The following CDK17 variants were observed in gnomAD, a reference collection of about 807,000 sequenced individuals.
The protein encoded by CDK17 is cyclin dependent kinase 17, also known as cyclin-dependent kinase 17.
CDK17 carries 24 observed loss-of-function variants against 77.6 expected under a neutral mutation model. The ratio of observed to expected loss-of-function variants is 0.31; its 90% confidence interval spans 0.22 to 0.44. The LOEUF (loss-of-function observed/expected upper bound fraction) is 0.44, where lower values mean the gene tolerates loss of function less well. Among genes scored for constraint, CDK17 ranks in the 20% least tolerant of loss-of-function variants. The pLI is 1.00. For synonymous variants in CDK17, 203 were observed against 210.4 expected, an observed-to-expected ratio of 0.96 and a Z score of 0.30; for missense variants, 429 against 622.5, an observed-to-expected ratio of 0.69 and a Z score of 3.31.
chr12:96,302,754 G>A (rs985846289), intron 5 of CDK17, among the ~76,000 whole-genome samples: 1 of 152,074 alleles, frequency 6.6e-6, no homozygotes, highest in African/African-American at 2.4e-5. Context: ...TGGTTACTAT[G>A]ACAAAATGTC....
intron 1 of CDK17, among the ~76,000 whole-genome samples, chr12:96,362,010 C>T (rs1295796349): frequency 2.6e-5 from 4 of 152,120 alleles, no homozygotes; most frequent in Non-Finnish European, 5.9e-5. Context: ...CTTAGTCTTT[C>T]TCTGTAATAG....
At chr12:96,308,262 T>G (rs1191796200) in intron 5 of CDK17, among the ~76,000 whole-genome samples, 1 of 141,168 alleles carries the variant, frequency 7.1e-6, no homozygotes, top group Non-Finnish European at 1.6e-5. Context: ...AGTTTTTTAA[T>G]TAGCTGGGTG....
chr12:96,278,611 A>G lies in CDK17; in HGVS notation c.*1631T>C, dbSNP rs1015072703. 2.0e-5 allele frequency: 3 copies of G among 152,600 alleles called. No homozygotes were observed. Among genetic ancestry groups the G allele is most frequent in the Non-Finnish European group, 2.9e-5 (2 of 67,974 alleles). The allele number at this position is 152,600 out of a possible 1,614,324, so 9.5% of individuals were successfully genotyped here. On this transcript the variant is annotated 3_prime_UTR_variant, in exon 17 of 17. Coordinates refer to ENST00000261211, the MANE Select transcript of CDK17 (RefSeq NM_002595.5). ...TTCAAAACAAAATGAAGGAATTTCCACATATTTATAACCTTCAAAGTACAA... is the reference window on the plus strand; with the variant it reads ...TTCAAAACAAAATGAAGGAATTTCCGCATATTTATAACCTTCAAAGTACAA...
intron 1 of CDK17, among the ~76,000 whole-genome samples, chr12:96,390,878 G>A (rs947638753): frequency 7.2e-5 from 11 of 151,848 alleles, no homozygotes; most frequent in Admixed American, 6.6e-4. Flanking sequence ...CAAGGTGGGT[G>A]GATTACCTGA....
intron 1 of CDK17, among the ~76,000 whole-genome samples, chr12:96,364,182 T>C (rs1389057875): frequency 6.6e-6 from 1 of 152,206 alleles, no homozygotes; most frequent in Non-Finnish European, 1.5e-5. Context: ...ATTGGGTTGT[T>C]TTCAGTTTTT....
chr12:96,399,717 G>A (rs1954227934), intron 1 of CDK17, among the ~76,000 whole-genome samples: 1 of 152,108 alleles, frequency 6.6e-6, no homozygotes, highest in Admixed American at 6.5e-5. Context: ...ATATCTGTCG[G>A]CGCCTCCTGG....
intron 1 of CDK17, among the ~76,000 whole-genome samples, chr12:96,394,299 ATATT>A (rs1954129539): frequency 6.6e-6 from 1 of 152,154 alleles, no homozygotes; most frequent in Non-Finnish European, 1.5e-5. Flanking sequence ...ACATTATTGA[ATATT>A]AACACATACT....
In CDK17 at chr12:96,310,991, C is replaced by A. The variant is rs532925173; in HGVS notation, c.543+61G>T. On this transcript the variant is annotated intron_variant, in intron 5 of 16. Coordinates refer to ENST00000261211, the MANE Select transcript of CDK17 (RefSeq NM_002595.5). ...AAAAATTAATTTAAAATGTTTACAC[C>A]CAGAAGCAGCAAACAAGCAGATCTG... The A allele has an allele frequency of 5.3e-6, 8 of 1,509,210 alleles. No homozygotes were observed. The African/African-American group carries it at 7.3e-5, about 14-fold the overall frequency. 93.5% of individuals were successfully genotyped at this position (1,509,210 alleles called of 1,614,324 possible).
At chr12:96,380,826 T>C (rs377382147) in intron 1 of CDK17, among the ~76,000 whole-genome samples, 35 of 152,212 alleles carry the variant, frequency 2.3e-4, no homozygotes, top group African/African-American at 7.7e-4. Context: ...GAGCAACCTT[T>C]ATCTCTATTT....
Position 96,284,823 on chromosome 12 carries a change from C to A in CDK17, c.1323-1178G>T, listed in dbSNP as rs151028191. Among the ~76,000 whole-genome samples, 432 of 152,178 alleles carry A rather than the reference C, an allele frequency of 2.8e-3. 8 individuals carry two copies. The highest frequency in any genetic ancestry group is 0.019 in the Admixed American group (294 of 15,298). ...AGGTGATCCGCCTGCCTTGGCCCCC[C>A]TAAAGTGCTGGGATTACAGGCGTGA... On this transcript the variant is annotated intron_variant, in intron 13 of 16. Transcript: ENST00000261211.
At chr12:96,352,540 C>T (rs1953327719) in intron 1 of CDK17, among the ~76,000 whole-genome samples, 1 of 152,156 alleles carries the variant, frequency 6.6e-6, no homozygotes, top group Admixed American at 6.5e-5. Flanking sequence ...CACAGGTACT[C>T]AGATGGCAAA....
At chr12:96,302,764 C>T (rs563255631) in intron 5 of CDK17, among the ~76,000 whole-genome samples, 5 of 152,136 alleles carry the variant, frequency 3.3e-5, no homozygotes, top group South Asian at 4.2e-4. Context: ...GACAAAATGT[C>T]GAGGTTTGCT....
chr12:96,315,759 T>C (rs1303126281), intron 3 of CDK17, among the ~76,000 whole-genome samples: 1 of 152,112 alleles, frequency 6.6e-6, no homozygotes, highest in Admixed American at 6.5e-5. Flanking sequence ...ATAAATTGAC[T>C]CTATCAGTGT....
chr12:96,350,867 T>A (rs1953300996), intron 1 of CDK17, among the ~76,000 whole-genome samples: 1 of 151,954 alleles, frequency 6.6e-6, no homozygotes, highest in Non-Finnish European at 1.5e-5. Flanking sequence ...AACAGACATA[T>A]TGGACTTTAA....
chr12:96,330,816 T>C (rs1233822058), intron 2 of CDK17, among the ~76,000 whole-genome samples: 2 of 152,230 alleles, frequency 1.3e-5, no homozygotes, highest in Non-Finnish European at 2.9e-5. Flanking sequence ...ATATAAATAT[T>C]TGTGTACAAG....
At chr12:96,280,566 T>C in intron 16 of CDK17, 1 of 1,414,756 alleles carries the variant, frequency 7.1e-7, no homozygotes, top group Middle Eastern at 2.6e-4. Context: ...AAAAGGTCTT[T>C]GTGCCATCTG....
At chr12:96,329,783 T>A (rs575735596) in intron 2 of CDK17, among the ~76,000 whole-genome samples, 3 of 152,316 alleles carry the variant, frequency 2.0e-5, no homozygotes, top group East Asian at 3.9e-4. Flanking sequence ...ATCAGCAAGA[T>A]AAAGAGACCT....
chr12:96,313,330 G>A lies in CDK17; in HGVS notation c.408C>T (p.Ile136=). The part of the protein sequence containing the change: ...VCLRNRIHRR[I]SMEDLNKRLS... ...TTTTTTAAATGATTACCTCCATTGA[G>A]ATCCGTCTATGTATACGATTTCTGA... Residue 136 remains isoleucine, a synonymous_variant, in exon 4 of 17, where the codon ATC becomes ATT. Coordinates refer to ENST00000261211, the MANE Select transcript of CDK17 (RefSeq NM_002595.5). The A allele has an allele frequency of 1.9e-6, 3 of 1,578,938 alleles. No individual in the cohort carries two copies. The highest frequency in any genetic ancestry group is 2.6e-6 in the Non-Finnish European group (3 of 1,167,200).
At chr12:96,335,184 A>G (rs1490694010) in intron 1 of CDK17, 1 of 378,748 alleles carries the variant, frequency 2.6e-6, no homozygotes, top group Non-Finnish European at 5.0e-6. Flanking sequence ...AAATATCAAT[A>G]TTATTTTGAT....
Sources: allele counts gnomAD v4.1 joint callset (sites outside exome capture counted in the v4.1 genomes callset), GRCh38; gene constraint gnomAD v4.1.1; transcripts MANE v1.5; gene names NCBI Gene and HGNC (gene_info 2026-07-23, HGNC 2026-07-21).